The following SPAG16 variants were observed in gnomAD, a reference collection of about 807,000 sequenced individuals.
SPAG16 encodes the protein sperm associated antigen 16.
In SPAG16, 86 loss-of-function variants were observed where a neutral mutation model predicts 80.4. The ratio of observed to expected loss-of-function variants is 1.07; its 90% CI spans 0.90 to 1.28. SPAG16 has a LOEUF of 1.28. SPAG16 is among the 50% of genes most tolerant of loss of function. SPAG16 has a pLI of 0.00. For synonymous variants in SPAG16, 294 were observed against 265.9 expected (o/e 1.11, Z -1.03); for missense variants, 870 against 765.3 (o/e 1.14, Z -1.61).
intron 12 of SPAG16, among the ~76,000 whole-genome samples, chr2:213,990,666 A>G (rs1049423809): frequency 6.6e-6 from 1 of 152,138 alleles, no homozygotes; most frequent in African/African-American, 2.4e-5. Context: ...TGTTATCTTC[A>G]CGTTGAGTAG....
At position 214,061,311 on chromosome 2, in the gene SPAG16, T is replaced by C. The variant is rs74670990; in HGVS notation, c.1528-46885T>C. Among the ~76,000 whole-genome samples the C allele has an allele frequency of 1.0e-3, 155 of 152,276 alleles. 4 individuals carry two copies. The East Asian group carries it at 0.025, about 24-fold the overall frequency. On this transcript the variant is annotated intron_variant, in intron 13 of 15. Coordinates refer to ENST00000331683, the MANE Select transcript of SPAG16 (RefSeq NM_024532.5). ...CCAGACAGATTGGAAAAACTCATAA[T>C]CCACAGGGCACTAGGTTAGTACTCA...
At chr2:213,324,268 A>G (rs1035101643) in intron 5 of SPAG16, among the ~76,000 whole-genome samples, 1 of 151,380 alleles carries the variant, frequency 6.6e-6, no homozygotes, top group Non-Finnish European at 1.5e-5. Context: ...TTATTATAAT[A>G]TATAATTTTT....
chr2:213,394,180 T>G (rs1260060706), intron 9 of SPAG16, among the ~76,000 whole-genome samples: 2 of 152,134 alleles, frequency 1.3e-5, no homozygotes, highest in Non-Finnish European at 2.9e-5. Flanking sequence ...TTCATATCTT[T>G]TTTAGCATTT....
intron 11 of SPAG16, among the ~76,000 whole-genome samples, chr2:213,914,509 A>G (rs2077856189): frequency 6.6e-6 from 1 of 152,112 alleles, no homozygotes; most frequent in African/African-American, 2.4e-5. Context: ...ACGCTTTCTA[A>G]CCTCAAAATA....
intron 10 of SPAG16, among the ~76,000 whole-genome samples, chr2:213,800,778 A>T (rs1181890475): frequency 6.6e-6 from 1 of 152,202 alleles, no homozygotes; most frequent in Non-Finnish European, 1.5e-5. Flanking sequence ...TGCTTTGTAT[A>T]AACATAACGT....
At chr2:213,932,255 G>A (rs1468437365) in intron 12 of SPAG16, among the ~76,000 whole-genome samples, 1 of 147,976 alleles carries the variant, frequency 6.8e-6, no homozygotes, top group Non-Finnish European at 1.5e-5. Flanking sequence ...CTGTCACCCA[G>A]GCTAGAGTGC....
intron 13 of SPAG16, among the ~76,000 whole-genome samples, chr2:214,070,105 G>C (rs1279644218): frequency 1.4e-5 from 2 of 141,964 alleles, no homozygotes; most frequent in Non-Finnish European, 3.1e-5. Context: ...TGATTGGTTT[G>C]AAATACCTCT....
At chr2:213,789,487 T>C (rs1308652614) in intron 10 of SPAG16, among the ~76,000 whole-genome samples, 1 of 151,974 alleles carries the variant, frequency 6.6e-6, no homozygotes, top group Non-Finnish European at 1.5e-5. Flanking sequence ...GTGGCATCTT[T>C]CCTGAAAAAT....
chr2:213,337,915 A>G (rs918861405), intron 5 of SPAG16, among the ~76,000 whole-genome samples: 1 of 152,094 alleles, frequency 6.6e-6, no homozygotes, highest in African/African-American at 2.4e-5. Flanking sequence ...AAAGACACAT[A>G]ATCATCAGAT....
chr2:214,269,611 C>G (rs749466282), intron 15 of SPAG16, among the ~76,000 whole-genome samples: 1 of 152,054 alleles, frequency 6.6e-6, no homozygotes, highest in East Asian at 1.9e-4. Context: ...CTATGCCAAA[C>G]TACAAATTGT....
At chr2:213,502,959 A>G (rs555873017) in intron 10 of SPAG16, among the ~76,000 whole-genome samples, 126 of 152,330 alleles carry the variant, frequency 8.3e-4, no homozygotes, top group Non-Finnish European at 1.5e-3. Flanking sequence ...TAGTCAAGTC[A>G]TATGTACAAC....
At chr2:213,469,570 G>GT (rs34005287) in intron 9 of SPAG16, among the ~76,000 whole-genome samples, 24,881 of 79,236 alleles carry the variant, frequency 0.31, 6,837 homozygotes, top group East Asian at 0.43. Context: ...ACCTCAGCAG[G>GT]TTTTTTTTTT....
intron 13 of SPAG16, among the ~76,000 whole-genome samples, chr2:214,036,221 G>A (rs1196230001): frequency 6.6e-6 from 1 of 152,070 alleles, no homozygotes; most frequent in African/African-American, 2.4e-5. Flanking sequence ...CTTGGCCAAT[G>A]GAAATTTTTT....
intron 3 of SPAG16, chr2:213,302,389 C>T (rs1253091554): frequency 6.6e-6 from 1 of 151,924 alleles, no homozygotes; most frequent in African/African-American, 2.4e-5. Flanking sequence ...CTGTGGATAC[C>T]TGAGTAGGAT....
At chr2:213,407,624 A>ACAG (rs2068697019) in intron 9 of SPAG16, among the ~76,000 whole-genome samples, 1 of 131,666 alleles carries the variant, frequency 7.6e-6, no homozygotes, top group Admixed American at 7.5e-5. Context: ...AGAGAGAGAG[A>ACAG]GAGAGAGAGA....
At chr2:214,307,493 T>A (rs1694999761) in intron 15 of SPAG16, among the ~76,000 whole-genome samples, 1 of 150,856 alleles carries the variant, frequency 6.6e-6, no homozygotes, top group African/African-American at 2.5e-5. Context: ...GTTGTTAACT[T>A]GAGATCTTTC....
chr2:214,240,992 A>G (rs1346392325), intron 15 of SPAG16: 1 of 152,128 alleles, frequency 6.6e-6, no homozygotes, highest in African/African-American at 2.4e-5. Context: ...AAATATGAGT[A>G]ACGGTAGGTA....
chr2:213,311,456 C>T (rs1390782875), intron 4 of SPAG16, among the ~76,000 whole-genome samples: 1 of 151,604 alleles, frequency 6.6e-6, no homozygotes, highest in Non-Finnish European at 1.5e-5. Context: ...TCCAAGTATA[C>T]TGTTAACAAT....
chr2:214,214,997 A>G (rs1235931558), intron 15 of SPAG16, among the ~76,000 whole-genome samples: 1 of 151,970 alleles, frequency 6.6e-6, no homozygotes, highest in African/African-American at 2.4e-5. Context: ...TCCAAGGCCC[A>G]GTACAATGGT....
Sources: gnomAD v4.1 joint callset for allele counts (sites outside exome capture counted in the v4.1 genomes callset) on GRCh38, gnomAD v4.1.1 for gene constraint, MANE v1.5 for transcripts, NCBI Gene and HGNC (gene_info 2026-07-23, HGNC 2026-07-21) for gene names.